CYP2U1: variants seen among roughly 807,000 people sequenced by gnomAD.
The protein encoded by CYP2U1 is cytochrome P450 family 2 subfamily U member 1.
A neutral mutation model predicts 42.8 loss-of-function variants in CYP2U1; 28 were observed. The ratio of observed to expected loss-of-function variants is 0.65; its 90% CI spans 0.48 to 0.90. CYP2U1 has a LOEUF of 0.90. Among genes scored for constraint, CYP2U1 ranks in the 40% least tolerant of loss-of-function variants. CYP2U1 has a pLI of 0.00. For missense variants in CYP2U1, 642 were observed against 693.8 expected, an observed-to-expected ratio of 0.93 and a Z score of 0.84; for synonymous variants, 296 against 278.9, an observed-to-expected ratio of 1.06 and a Z score of -0.61.
At chr4:107,936,721 G>T (rs991503658) in intron 1 of CYP2U1, 3 of 152,152 alleles carry the variant, frequency 2.0e-5, no homozygotes, top group African/African-American at 7.2e-5. Flanking sequence ...CAAATATAAA[G>T]CTTAAAGAAC....
At chr4:107,946,551 A>G (rs1191488985) in intron 2 of CYP2U1, among the ~76,000 whole-genome samples, 1 of 151,598 alleles carries the variant, frequency 6.6e-6, no homozygotes. Flanking sequence ...TATTCTGCCT[A>G]CTATAGATGT....
At chr4:107,948,172 G>C (rs1055209910) in intron 3 of CYP2U1, among the ~76,000 whole-genome samples, 3 of 150,902 alleles carry the variant, frequency 2.0e-5, no homozygotes, top group Admixed American at 6.6e-5. Context: ...GGAGGCTGAG[G>C]CAGGAGAATC....
In CYP2U1 at chr4:107,951,360, C is replaced by G. The variant is rs1427468008; in HGVS notation, c.*937C>G. On this transcript the variant is annotated 3_prime_UTR_variant, in exon 5 of 5. Transcript: ENST00000332884. ...CTGCTTTCAAACTATACTGAACATT[C>G]CTGTCCTAGCGTCCCTGCCACCAGG... 1.3e-5 allele frequency: 2 copies of G among 152,184 alleles called. No homozygotes were observed. Among genetic ancestry groups the G allele is most frequent in the African/African-American group, 2.4e-5 (1 of 41,440 alleles). 9.4% of individuals were successfully genotyped at this position (152,184 alleles called of 1,614,324 possible).
At chr4:107,941,383 A>C (rs998487836) in intron 1 of CYP2U1, 1 of 152,200 alleles carries the variant, frequency 6.6e-6, no homozygotes, top group Non-Finnish European at 1.5e-5. Context: ...CAAGCAGTTA[A>C]AAATTTGTTA....
Position 107,949,498 on chromosome 4 carries a change from C to T in CYP2U1, c.1437C>T (p.Thr479=), listed in dbSNP as rs955005113. 2.5e-6 allele frequency: 4 copies of T among 1,583,640 alleles called. No individual in the cohort carries two copies. The highest frequency in any genetic ancestry group is 3.4e-6 in the Non-Finnish European group (4 of 1,164,918). Residue 479 remains threonine (T), a synonymous_variant, in exon 4 of 5, where the codon ACC becomes ACT. Transcript: ENST00000332884. ...AAGGACAACTAATTAAAAAAGAAAC[C>T]TTTATTCCTTTTGGGATAGGTCAGT... ...DDQGQLIKKE[T]FIPFGIGKRV...
At chr4:107,944,833 T>TA in intron 1 of CYP2U1, 137 bp from the exon 2 acceptor site, 1 of 104,532 alleles carries the variant, frequency 9.6e-6, no homozygotes. Flanking sequence ...GTGGTCTTTA[T>TA]ATATACATAT....
intron 1 of CYP2U1, chr4:107,940,786 G>A (rs1190507434): frequency 6.6e-6 from 1 of 151,962 alleles, no homozygotes; most frequent in Non-Finnish European, 1.5e-5. Context: ...CAACCTAAAG[G>A]AAGATGAGAA....
chr4:107,950,746 A>G lies in CYP2U1; in HGVS notation c.*323A>G, dbSNP rs1407851653. 4.9e-6 allele frequency: 1 copy of G among 205,674 alleles called. No homozygotes were observed. The highest frequency in any genetic ancestry group is 5.4e-5 in the Admixed American group (1 of 18,542). 12.7% of individuals were successfully genotyped at this position (205,674 alleles called of 1,614,324 possible). A position where few individuals can be genotyped will look rare whatever the true frequency, so the allele number is the denominator to read the frequency against. ...TTTCTTAGTGCCTCAGACATCCCAT[A>G]TGTAAAATGAGAGTAATAAAACTTG... On this transcript the variant is annotated 3_prime_UTR_variant, in exon 5 of 5. Transcript: ENST00000332884.
chr4:107,932,019 C>CTGG lies in CYP2U1; in HGVS notation c.384_386dup (p.Val129dup). On this transcript the variant is annotated inframe_insertion, in exon 1 of 5. Coordinates refer to ENST00000332884, the MANE Select transcript of CYP2U1 (RefSeq NM_183075.3). ...CTTCAGCTTCTTTATCGGCCACTAC[C>CTGG]TGGTGGTGGTCCTCAGCGACTTCCA... 2.6e-6 allele frequency: 4 copies of CTGG among 1,562,876 alleles called. No homozygotes were observed. The highest frequency in any genetic ancestry group is 3.5e-6 in the Non-Finnish European group (4 of 1,154,018).
At chr4:107,947,111 G>C (rs1272306616) in intron 2 of CYP2U1, among the ~76,000 whole-genome samples, 2 of 152,178 alleles carry the variant, frequency 1.3e-5, no homozygotes, top group African/African-American at 4.8e-5. Context: ...GACTTAGGAT[G>C]CTCCTGAATC....
At chr4:107,932,466 A>G (rs1400326229) in intron 1 of CYP2U1, among the ~76,000 whole-genome samples, 1 of 152,244 alleles carries the variant, frequency 6.6e-6, no homozygotes, top group Non-Finnish European at 1.5e-5. Flanking sequence ...CCCTTCCACC[A>G]GCTGTGACCT....
chr4:107,933,976 G>C (rs1308211590), intron 1 of CYP2U1, among the ~76,000 whole-genome samples: 1 of 152,118 alleles, frequency 6.6e-6, no homozygotes, highest in Non-Finnish European at 1.5e-5. Flanking sequence ...ATAGACACTT[G>C]TGCCTCCAAC....
Position 107,945,237 on chromosome 4 carries a change from G to C in CYP2U1, c.758G>C (p.Gly253Ala). 6.2e-7 allele frequency: 1 copy of C among 1,614,056 alleles called. No homozygotes were observed. Among genetic ancestry groups the C allele is most frequent in the East Asian group, 2.2e-5 (1 of 44,852 alleles). The change falls in exon 2 of 5, where the codon GGT becomes GCT. Residue 253 changes from glycine (G) to alanine (A), a missense_variant. Physicochemically the swap from Gly to Ala is moderately conservative, Grantham distance 60. Coordinates refer to ENST00000332884, the MANE Select transcript of CYP2U1 (RefSeq NM_183075.3). Reference protein sequence around the residue: ...YTNSEFKKMLGFMSRGLEICL... With the variant: ...YTNSEFKKMLAFMSRGLEICL... Reference sequence around the variant, plus strand: ...AATAGTGAGTTCAAGAAAATGCTTGGTTTTATGTCACGAGGCCTAGAAATC... The same window carrying C: ...AATAGTGAGTTCAAGAAAATGCTTGCTTTTATGTCACGAGGCCTAGAAATC...
rs756178974 is a variant in CYP2U1 at position 107,932,526 on chromosome 4, T to C, written c.490+393T>C. ...TTAGAAAGAGGGAAGGATATTCTTT[T>C]TACCTTGTGGGTTTCGAATGTAAGA... On this transcript the variant is annotated intron_variant, in intron 1 of 4. Coordinates refer to ENST00000332884, the MANE Select transcript of CYP2U1 (RefSeq NM_183075.3). Among the ~76,000 whole-genome samples, 11 of 152,332 alleles carry C rather than the reference T, an allele frequency of 7.2e-5. 1 individual carries two copies. The South Asian group carries it at 1.7e-3, about 23-fold the overall frequency.
In CYP2U1 at chr4:107,931,904, G is replaced by A. The variant is rs1732999423; in HGVS notation, c.261G>A (p.Leu87=). Residue 87 remains leucine, a synonymous_variant, in exon 1 of 5, where the codon CTG becomes CTA. Transcript: ENST00000332884. ...LPPFLRRRSW[L]SSRTRAAGID... ...CCTTCCTCCGGCGGCGGAGCTGGCT[G>A]AGCAGCAGGACCAGGGCCGCAGGGA... 2 of 1,550,030 alleles carry A rather than the reference G, an allele frequency of 1.3e-6. No individual in the cohort carries two copies. Among genetic ancestry groups the A allele is most frequent in the Admixed American group, 2.0e-5 (1 of 50,960 alleles).
At chr4:107,942,839 A>T (rs545640179) in intron 1 of CYP2U1, among the ~76,000 whole-genome samples, 2 of 152,342 alleles carry the variant, frequency 1.3e-5, no homozygotes, top group South Asian at 4.1e-4. Flanking sequence ...AAAATTTAAA[A>T]TTTTTACAAG....
At chr4:107,945,678 C>G (rs1733677459) in intron 2 of CYP2U1, 73 bp downstream of exon 2, 1 of 1,494,926 alleles carries the variant, frequency 6.7e-7, no homozygotes. Context: ...CCTCAGTGAT[C>G]TGGTGGCTTC....
chr4:107,950,152 C>G, intron 4 of CYP2U1, 93 bp from the exon 5 acceptor site: 1 of 1,276,500 alleles, frequency 7.8e-7, no homozygotes, highest in East Asian at 2.4e-5. Context: ...ATTTAGAATA[C>G]TCAATTTAGA....
At chr4:107,939,732 G>C (rs1176752199) in intron 1 of CYP2U1, among the ~76,000 whole-genome samples, 1 of 152,178 alleles carries the variant, frequency 6.6e-6, no homozygotes, top group Non-Finnish European at 1.5e-5. Flanking sequence ...CCAGTAGACT[G>C]AGAACAAGGA....
Sources: allele counts gnomAD v4.1 joint callset (sites outside exome capture counted in the v4.1 genomes callset), GRCh38; gene constraint gnomAD v4.1.1; transcripts MANE v1.5; gene names NCBI Gene and HGNC (gene_info 2026-07-23, HGNC 2026-07-21).